Variants in CNTN4 observed in about 807,000 individuals in gnomAD.
CNTN4 encodes the protein contactin 4.
Under a neutral mutation model 122.5 loss-of-function variants are expected in CNTN4, and 77 were observed. The ratio of observed to expected loss-of-function variants is 0.63; its 90% CI spans 0.52 to 0.76. CNTN4 has a LOEUF of 0.76. Among genes scored for constraint, CNTN4 ranks in the 30% least tolerant of loss-of-function variants. The probability of loss-of-function intolerance (pLI) is 0.00; values close to 1 mark genes in which losing one functional copy is unlikely to be tolerated. For missense variants in CNTN4, 1,256 were observed against 1,259.1 expected, an observed-to-expected ratio of 1.00 and a Z score of 0.04; for synonymous variants, 512 against 447.0, an observed-to-expected ratio of 1.15 and a Z score of -1.83.
chr3:2,099,828 C>T (rs1159981837), intron 1 of CNTN4: 1 of 152,476 alleles, frequency 6.6e-6, no homozygotes, highest in Non-Finnish European at 1.5e-5. Context: ...CACTCACTCT[C>T]CTTCTGGAAC....
chr3:2,740,470 C>T (rs1022509706), intron 5 of CNTN4, among the ~76,000 whole-genome samples: 3 of 151,956 alleles, frequency 2.0e-5, no homozygotes, highest in Non-Finnish European at 2.9e-5. Flanking sequence ...AAGAATATCA[C>T]GGGAATGGAA....
At chr3:2,362,628 G>A (rs568052464) in intron 3 of CNTN4, 5 of 462,598 alleles carry the variant, frequency 1.1e-5, no homozygotes, top group Non-Finnish European at 2.1e-5. Flanking sequence ...AAGGGCTGAG[G>A]GCCTAGGAGA....
intron 3 of CNTN4, among the ~76,000 whole-genome samples, chr3:2,356,870 G>A (rs1044752053): frequency 1.3e-5 from 2 of 152,048 alleles, no homozygotes; most frequent in Non-Finnish European, 2.9e-5. Flanking sequence ...GGCCTTCTTT[G>A]GAATATCTAG....
At chr3:2,850,992 T>C (rs1258133526) in intron 7 of CNTN4, among the ~76,000 whole-genome samples, 2 of 152,210 alleles carry the variant, frequency 1.3e-5, no homozygotes, top group Non-Finnish European at 2.9e-5. Flanking sequence ...GCTGTATCAA[T>C]TATTGAACAT....
chr3:2,612,626 A>T (rs1316710148), intron 4 of CNTN4, among the ~76,000 whole-genome samples: 3 of 152,138 alleles, frequency 2.0e-5, no homozygotes, highest in East Asian at 3.8e-4. Flanking sequence ...AGCTGGGTAG[A>T]ATGAGGTAGA....
At chr3:2,563,474 A>G (rs1332297108) in intron 3 of CNTN4, among the ~76,000 whole-genome samples, 1 of 152,198 alleles carries the variant, frequency 6.6e-6, no homozygotes, top group Non-Finnish European at 1.5e-5. Flanking sequence ...TTTAAATGGT[A>G]TCTATTATTT....
At chr3:2,458,917 G>A (rs534032475) in intron 3 of CNTN4, among the ~76,000 whole-genome samples, 13 of 152,186 alleles carry the variant, frequency 8.5e-5, no homozygotes, top group South Asian at 2.1e-4. Context: ...TGGATCTTTC[G>A]TCTGTACATT....
chr3:2,667,230 C>T (rs1051713758), intron 4 of CNTN4, among the ~76,000 whole-genome samples: 3 of 152,278 alleles, frequency 2.0e-5, no homozygotes, highest in African/African-American at 7.2e-5. Flanking sequence ...GTTCCTATTT[C>T]TCCACATCCT....
chr3:2,527,095 C>T (rs1366937124), intron 3 of CNTN4, among the ~76,000 whole-genome samples: 1 of 152,134 alleles, frequency 6.6e-6, no homozygotes, highest in Admixed American at 6.6e-5. Context: ...AGGTTGCATC[C>T]AGCTGCAGTG....
intron 3 of CNTN4, among the ~76,000 whole-genome samples, chr3:2,558,397 C>T (rs1373915898): frequency 6.6e-6 from 1 of 152,132 alleles, no homozygotes; most frequent in Non-Finnish European, 1.5e-5. Context: ...CCTTCGCCTG[C>T]CTTTTGTGAT....
chr3:2,126,391 T>C lies in CNTN4; in HGVS notation c.-145+25752T>C, dbSNP rs113012041. ...ATGCTTAGTAAATATATGAATGAAT[T>C]CTAATTTTAGTTTCTTTATCTGGCA... is the stretch of plus-strand genomic sequence containing the variant. On this transcript the variant is annotated intron_variant, in intron 2 of 24. Transcript: ENST00000418658. Among the ~76,000 whole-genome samples, 298 of 152,266 alleles carry C rather than the reference T, an allele frequency of 2.0e-3. 1 individual carries two copies. The highest frequency in any genetic ancestry group is 6.9e-3 in the African/African-American group (285 of 41,536).
intron 3 of CNTN4, among the ~76,000 whole-genome samples, chr3:2,405,377 G>T (rs1324662390): frequency 6.6e-6 from 1 of 152,044 alleles, no homozygotes; most frequent in Non-Finnish European, 1.5e-5. Flanking sequence ...CAAATCTGGG[G>T]TAGCTATAGT....
chr3:2,455,698 G>A lies in CNTN4; in HGVS notation c.-88-115718G>A, dbSNP rs116252434. The stretch of plus-strand genomic sequence containing the variant: ...CAATAAATTGTTTGTTTAGCCAGAC[G>A]TGTCTGAGTTTCTTGCCTCTTCGGG... On this transcript the variant is annotated intron_variant, in intron 3 of 24. Coordinates refer to ENST00000418658, the MANE Select transcript of CNTN4 (RefSeq NM_175607.3). 2.5e-3 allele frequency among the ~76,000 whole-genome samples: 385 copies of A among 152,178 alleles called. 1 individual carries two copies. The highest frequency in any genetic ancestry group is 8.9e-3 in the African/African-American group (369 of 41,528).
intron 3 of CNTN4, among the ~76,000 whole-genome samples, chr3:2,526,900 A>G (rs1444622610): frequency 1.3e-5 from 2 of 152,182 alleles, no homozygotes; most frequent in African/African-American, 2.4e-5. Context: ...ACCATCCTTG[A>G]TAACTGGTTT....
intron 13 of CNTN4, among the ~76,000 whole-genome samples, chr3:2,950,079 A>C (rs570879793): frequency 2.0e-5 from 3 of 152,362 alleles, no homozygotes; most frequent in Non-Finnish European, 4.4e-5. Flanking sequence ...TACCCACCTG[A>C]TTAAGTACCT....
At chr3:3,055,419 G>A (rs540456636) in intron 24 of CNTN4, among the ~76,000 whole-genome samples, 83 of 152,312 alleles carry the variant, frequency 5.4e-4, no homozygotes, top group South Asian at 3.3e-3. Flanking sequence ...ACAAGGAAGT[G>A]ACTGTGAACC....
chr3:2,353,667 T>C (rs2044740643), intron 3 of CNTN4, among the ~76,000 whole-genome samples: 1 of 152,108 alleles, frequency 6.6e-6, no homozygotes, highest in East Asian at 1.9e-4. Context: ...CGTGAGGGTC[T>C]GCAGCTTCAT....
chr3:2,201,864 A>T (rs2038110657), intron 2 of CNTN4, among the ~76,000 whole-genome samples: 1 of 152,236 alleles, frequency 6.6e-6, no homozygotes, highest in African/African-American at 2.4e-5. Context: ...TTATGATAAT[A>T]TACAGAAACT....
At chr3:2,687,150 C>G (rs2085471914) in intron 4 of CNTN4, among the ~76,000 whole-genome samples, 1 of 82,682 alleles carries the variant, frequency 1.2e-5, no homozygotes, top group Non-Finnish European at 2.6e-5. Context: ...ATCAAGAGAT[C>G]TAACAGAAAT....
Sources: gnomAD v4.1 joint callset for allele counts (sites outside exome capture counted in the v4.1 genomes callset) on GRCh38, gnomAD v4.1.1 for gene constraint, MANE v1.5 for transcripts, NCBI Gene and HGNC (gene_info 2026-07-23, HGNC 2026-07-21) for gene names.